Variants in PIP5K1C observed in about 807,000 individuals in gnomAD.
The protein encoded by PIP5K1C is phosphatidylinositol 4-phosphate 5-kinase type-1 gamma.
Under a neutral mutation model 80.1 loss-of-function variants are expected in PIP5K1C, and 45 were observed. That is an observed-to-expected ratio of 0.56 (90% CI 0.44 to 0.72). The LOEUF is 0.72. Among genes scored for constraint, PIP5K1C ranks in the 30% least tolerant of loss-of-function variants. The pLI is 0.00. For missense variants in PIP5K1C, 753 were observed against 954.6 expected (o/e 0.79, Z 2.78); for synonymous variants, 498 against 420.1 (o/e 1.19, Z -2.27).
chr19:3,643,196 CGCACAGCGGATGCCCCGCCCACAT>C (rs760802308), intron 13 of PIP5K1C, 23 bp downstream of exon 13: 10 of 1,608,660 alleles, frequency 6.2e-6, no homozygotes, highest in Non-Finnish European at 8.5e-6. Context: ...CCCGCCCCCA[CGCACAGCGGATGCCCCGCCCACAT>C]GCACTGCGGA....
chr19:3,664,110 G>A lies in PIP5K1C; in HGVS notation c.219+712C>T, dbSNP rs536846178. Among the ~76,000 whole-genome samples the A allele has an allele frequency of 1.2e-3, 179 of 152,318 alleles. 1 individual carries two copies. Among genetic ancestry groups the A allele is most frequent in the African/African-American group, 4.1e-3 (171 of 41,566 alleles). ...GAGGACGCTACACTCAGTGAGAGAC[G>A]CCAGACACAGAAAGCCACACAGTGT... On this transcript the variant is annotated intron_variant, in intron 3 of 17. Coordinates refer to ENST00000335312, the MANE Select transcript of PIP5K1C (RefSeq NM_012398.3).
chr19:3,643,415 C>G, intron 12 of PIP5K1C, 34 bp from the exon 13 acceptor site: 1 of 1,611,248 alleles, frequency 6.2e-7, no homozygotes, highest in Non-Finnish European at 8.5e-7. Context: ...CCTTGCGGAG[C>G]CTCCGAGCCC....
intron 17 of PIP5K1C, 117 bp from the exon 18 acceptor site, chr19:3,633,286 C>A: frequency 2.9e-6 from 2 of 679,032 alleles, no homozygotes; most frequent in Non-Finnish European, 5.3e-6. Context: ...CCCACGGCCA[C>A]CTCAGAGCCA....
chr19:3,673,396 C>A (rs528462955), intron 1 of PIP5K1C, among the ~76,000 whole-genome samples: 12 of 152,320 alleles, frequency 7.9e-5, no homozygotes, highest in African/African-American at 2.6e-4. Context: ...GTTGTCATCC[C>A]CACAACAGGG....
chr19:3,680,671 C>T (rs1016503614), intron 1 of PIP5K1C, among the ~76,000 whole-genome samples: 1 of 152,222 alleles, frequency 6.6e-6, no homozygotes, highest in Non-Finnish European at 1.5e-5. Context: ...ATAAAAGACA[C>T]CCATCTATTA....
intron 1 of PIP5K1C, among the ~76,000 whole-genome samples, chr19:3,699,654 C>A (rs1410796903): frequency 2.0e-5 from 3 of 152,212 alleles, no homozygotes; most frequent in African/African-American, 7.2e-5. Context: ...CCAGCTGCCG[C>A]CACCTACCCG....
intron 1 of PIP5K1C, among the ~76,000 whole-genome samples, chr19:3,699,531 G>A (rs2036231211): frequency 6.6e-6 from 1 of 152,200 alleles, no homozygotes; most frequent in South Asian, 2.1e-4. Flanking sequence ...CCTGGGAGGA[G>A]CAGAGGATTT....
chr19:3,679,153 T>C (rs1378023107), intron 1 of PIP5K1C, among the ~76,000 whole-genome samples: 1 of 152,076 alleles, frequency 6.6e-6, no homozygotes, highest in Non-Finnish European at 1.5e-5. Context: ...AGGTGAGTCT[T>C]TACCTTGGAC....
chr19:3,670,733 CA>C (rs2035178662), intron 1 of PIP5K1C, among the ~76,000 whole-genome samples: 1 of 152,098 alleles, frequency 6.6e-6, no homozygotes, highest in Non-Finnish European at 1.5e-5. Flanking sequence ...CCCCTCGGGC[CA>C]CCTGGATGCC....
intron 5 of PIP5K1C, among the ~76,000 whole-genome samples, chr19:3,659,671 C>A (rs1307299189): frequency 6.6e-6 from 1 of 151,454 alleles, no homozygotes; most frequent in South Asian, 2.1e-4. Context: ...CGACACGACC[C>A]GGAGCATGGT....
chr19:3,693,709 C>T (rs1206502349), intron 1 of PIP5K1C, among the ~76,000 whole-genome samples: 9 of 137,228 alleles, frequency 6.6e-5, no homozygotes, highest in Non-Finnish European at 1.4e-4. Flanking sequence ...TTCCCAGGGG[C>T]TAGGGCCTCA....
chr19:3,653,203 C>T, intron 7 of PIP5K1C, 87 bp downstream of exon 7: 1 of 1,313,692 alleles, frequency 7.6e-7, no homozygotes, highest in Non-Finnish European at 1.1e-6. Context: ...GGCCTGGCAC[C>T]CTCCCTGGCC....
At position 3,644,078 on chromosome 19, in the gene PIP5K1C, GC is replaced by G; in HGVS notation, c.1510+8del. 2 of 1,610,176 alleles carry G rather than the reference GC, an allele frequency of 1.2e-6. No homozygotes were observed. Among genetic ancestry groups the G allele is most frequent in the East Asian group, 2.2e-5 (1 of 44,870 alleles). The stretch of plus-strand genomic sequence containing the variant: ...CGCCCACAAGCGCACTCTGCCCTCT[GC>G]CCCTCACCTTCGTCCTCCAGCGTGG... On this transcript the variant is annotated splice_region_variant and intron_variant, in intron 12 of 17. Transcript: ENST00000335312.
At chr19:3,658,287 C>G (rs753996193) in intron 5 of PIP5K1C, among the ~76,000 whole-genome samples, 1 of 152,272 alleles carries the variant, frequency 6.6e-6, no homozygotes, top group Non-Finnish European at 1.5e-5. Flanking sequence ...CTCCTGCATG[C>G]GCTGCTTCTG....
At position 3,637,996 on chromosome 19, in the gene PIP5K1C, C is replaced by T; in HGVS notation, c.1920+888G>A. 1 of 1,521,524 alleles carries T rather than the reference C, an allele frequency of 6.6e-7. No homozygotes were observed. Among genetic ancestry groups the T allele is most frequent in the Non-Finnish European group, 8.8e-7 (1 of 1,139,884 alleles). The allele number at this position is 1,521,524 out of a possible 1,614,324, so 94.3% of individuals were successfully genotyped here. On this transcript the variant is annotated intron_variant, in intron 16 of 17. Transcript: ENST00000335312. The surrounding 1 kb of genome is among the most constrained non-coding windows in gnomAD (Gnocchi z 7.0). ...GGGCCAGGTGGGTGCATGGGGACCC[C>T]AGAGGCGCCACTGGAGACAGAGCAG...
chr19:3,645,613 G>A (rs898984618), intron 11 of PIP5K1C, among the ~76,000 whole-genome samples: 4 of 152,158 alleles, frequency 2.6e-5, no homozygotes, highest in Non-Finnish European at 5.9e-5. Context: ...CACACACTGT[G>A]AGCTATCTGC....
chr19:3,698,391 T>C (rs2036192313), intron 1 of PIP5K1C, among the ~76,000 whole-genome samples: 1 of 152,206 alleles, frequency 6.6e-6, no homozygotes, highest in South Asian at 2.1e-4. Flanking sequence ...GGACCAACTC[T>C]GGGGCTCCCC....
chr19:3,683,100 C>T (rs1446456192), intron 1 of PIP5K1C, among the ~76,000 whole-genome samples: 1 of 152,146 alleles, frequency 6.6e-6, no homozygotes, highest in Admixed American at 6.5e-5. Flanking sequence ...ATGTCACCTC[C>T]TCAGAGAGTC....
chr19:3,643,620 C>A (rs2034076483), intron 12 of PIP5K1C, among the ~76,000 whole-genome samples: 1 of 151,968 alleles, frequency 6.6e-6, no homozygotes, highest in South Asian at 2.1e-4. Context: ...CTGGCCCCGT[C>A]CCCTCTCCAC....
Sources: allele counts gnomAD v4.1 joint callset (sites outside exome capture counted in the v4.1 genomes callset), GRCh38; gene constraint gnomAD v4.1.1; non-coding constraint Gnocchi (gnomAD v3.1); transcripts MANE v1.5; gene names NCBI Gene and HGNC (gene_info 2026-07-23, HGNC 2026-07-21).